The following SLC6A6 variants were observed in gnomAD, a reference collection of about 807,000 sequenced individuals.
The protein encoded by SLC6A6 is sodium- and chloride-dependent taurine transporter.
SLC6A6 carries 16 observed loss-of-function variants against 68.8 expected under a neutral mutation model. That is an observed-to-expected ratio of 0.23 (90% CI 0.16 to 0.35). The LOEUF (loss-of-function observed/expected upper bound fraction) is 0.35. SLC6A6 is among the 10% of genes least tolerant of loss of function. SLC6A6 has a pLI of 1.00. For synonymous variants in SLC6A6, 312 were observed against 315.4 expected, an observed-to-expected ratio of 0.99 and a Z score of 0.12; for missense variants, 474 against 802.8, an observed-to-expected ratio of 0.59 and a Z score of 4.95.
At chr3:14,420,815 C>T (rs1358668134) in intron 2 of SLC6A6, among the ~76,000 whole-genome samples, 1 of 152,182 alleles carries the variant, frequency 6.6e-6, no homozygotes, top group Non-Finnish European at 1.5e-5. Flanking sequence ...AGACAAATAA[C>T]TTAAAGCTGA....
At chr3:14,479,284 T>A in intron 13 of SLC6A6, 99 bp downstream of exon 13, 1 of 815,154 alleles carries the variant, frequency 1.2e-6, no homozygotes, top group Middle Eastern at 2.2e-4. Context: ...CTGTTCAGCG[T>A]GGGCTTATAA....
At chr3:14,403,100 GT>G in intron 1 of SLC6A6, among the ~76,000 whole-genome samples, 1 of 151,680 alleles carries the variant, frequency 6.6e-6, no homozygotes. Context: ...GTGTGTGTGT[GT>G]GTGTGTGTGT....
intron 1 of SLC6A6, among the ~76,000 whole-genome samples, chr3:14,409,735 C>T (rs1186419003): frequency 3.3e-5 from 5 of 152,190 alleles, no homozygotes; most frequent in South Asian, 2.1e-4. Flanking sequence ...CTGGGAACGC[C>T]GCCTCAGGTC....
At chr3:14,442,520 G>A (rs1700014220) in intron 2 of SLC6A6, among the ~76,000 whole-genome samples, 1 of 152,190 alleles carries the variant, frequency 6.6e-6, no homozygotes, top group Admixed American at 6.6e-5. Flanking sequence ...GGATGCTCTT[G>A]GTAACCCTTG....
Position 14,485,136 on chromosome 3 carries a change from G to GT in SLC6A6, c.*130dup. The GT allele has an allele frequency of 1.4e-6, 1 of 693,404 alleles. No individual in the cohort carries two copies. Among genetic ancestry groups the GT allele is most frequent in the Admixed American group, 3.0e-5 (1 of 33,080 alleles). 43.0% of individuals were successfully genotyped at this position (693,404 alleles called of 1,614,324 possible). On this transcript the variant is annotated 3_prime_UTR_variant, in exon 15 of 15. Coordinates refer to ENST00000622186, the MANE Select transcript of SLC6A6 (RefSeq NM_003043.6). ...TTTTTTTGTAATTGTCACAGAAAAT[G>GT]TAATTGTGGGTATGTGTGCGTGCGT...
intron 3 of SLC6A6, chr3:14,444,282 T>G (rs2124945017): frequency 5.2e-6 from 1 of 192,032 alleles, no homozygotes; most frequent in South Asian, 9.9e-5. Flanking sequence ...CCAAATGTAC[T>G]CCAGAAAGCA....
Position 14,416,399 on chromosome 3 carries a change from C to G in SLC6A6, c.-53-13C>G. The G allele has an allele frequency of 2.5e-6, 1 of 398,750 alleles. No individual in the cohort carries two copies. Among genetic ancestry groups the G allele is most frequent in the Non-Finnish European group, 4.4e-6 (1 of 226,160 alleles). 24.7% of individuals were successfully genotyped at this position (398,750 alleles called of 1,614,324 possible). ...TCTCTTTCTTCCGTCTTCGCTTCCT[C>G]TCTTTGCAATAGATCCAGAACCAGA... is the stretch of plus-strand genomic sequence containing the variant. On this transcript the variant is annotated splice_polypyrimidine_tract_variant and intron_variant, in intron 1 of 14. Coordinates refer to ENST00000622186, the MANE Select transcript of SLC6A6 (RefSeq NM_003043.6).
chr3:14,488,495 C>G lies in SLC6A6; in HGVS notation c.*3488C>G, dbSNP rs1305068011. 1 of 152,272 alleles carries G rather than the reference C, an allele frequency of 6.6e-6. No homozygotes were observed. The highest frequency in any genetic ancestry group is 1.9e-4 in the East Asian group (1 of 5,182). The allele number at this position is 152,272 out of a possible 1,614,324, so 9.4% of individuals were successfully genotyped here. On this transcript the variant is annotated 3_prime_UTR_variant, in exon 15 of 15. Coordinates refer to ENST00000622186, the MANE Select transcript of SLC6A6 (RefSeq NM_003043.6). ...GTAGCCAGTCTAAAGGCAGAGGCAC[C>G]TAACTGCTCCCCGCAGCCCACCCCA...
rs1303130560 is a variant in SLC6A6 at position 14,472,044 on chromosome 3, C to G, written c.1097-161C>G. On this transcript the variant is annotated intron_variant, in intron 9 of 14. Coordinates refer to ENST00000622186, the MANE Select transcript of SLC6A6 (RefSeq NM_003043.6). The surrounding 1 kb of genome is among the most constrained non-coding windows in gnomAD (Gnocchi z 4.5). ...CTCCTGAGCCCCAGCGTGTCCCACCCAAAGGCGAGACAGGCCTGGTCTCTT... is the reference window on the plus strand; with the variant it reads ...CTCCTGAGCCCCAGCGTGTCCCACCGAAAGGCGAGACAGGCCTGGTCTCTT... Among the ~76,000 whole-genome samples, 1 of 152,162 alleles carries G rather than the reference C, an allele frequency of 6.6e-6. No homozygotes were observed. Among genetic ancestry groups the G allele is most frequent in the Admixed American group, 6.5e-5 (1 of 15,288 alleles).
chr3:14,439,894 G>A (rs976969624), intron 2 of SLC6A6, among the ~76,000 whole-genome samples: 2 of 152,172 alleles, frequency 1.3e-5, no homozygotes, highest in Non-Finnish European at 2.9e-5. Context: ...AAGCTCCTAA[G>A]GGTTTGGATA....
In SLC6A6 at chr3:14,460,070, C is replaced by T. The variant is rs576129374; in HGVS notation, c.732+1988C>T. 2.0e-5 allele frequency among the ~76,000 whole-genome samples: 3 copies of T among 152,074 alleles called. No individual in the cohort carries two copies. The South Asian group carries it at 6.2e-4, about 32-fold the overall frequency. Reference sequence around the variant, plus strand: ...TGCCACCATGCCCTTCTTCACTCTGCCTCAGTTTCCCCACACAGAAGTGAG... The same window carrying T: ...TGCCACCATGCCCTTCTTCACTCTGTCTCAGTTTCCCCACACAGAAGTGAG... On this transcript the variant is annotated intron_variant, in intron 6 of 14. Coordinates refer to ENST00000622186, the MANE Select transcript of SLC6A6 (RefSeq NM_003043.6).
chr3:14,404,720 G>T (rs879476788), intron 1 of SLC6A6, among the ~76,000 whole-genome samples: 1 of 152,268 alleles, frequency 6.6e-6, no homozygotes, highest in Non-Finnish European at 1.5e-5. Flanking sequence ...GGGGATTGAG[G>T]GAGATGAGGC....
chr3:14,456,507 A>G (rs969549665), intron 5 of SLC6A6, among the ~76,000 whole-genome samples: 5 of 152,256 alleles, frequency 3.3e-5, no homozygotes, highest in East Asian at 1.9e-4. Flanking sequence ...TTGCTTGAAT[A>G]CCAGTTGAGA....
At chr3:14,479,338 C>T (rs1407011648) in intron 13 of SLC6A6, among the ~76,000 whole-genome samples, 153 bp downstream of exon 13, 1 of 152,202 alleles carries the variant, frequency 6.6e-6, no homozygotes, top group Non-Finnish European at 1.5e-5. Context: ...AGGAAGGCTG[C>T]TCCAGGGAGT....
rs897530174 is a variant in SLC6A6 at position 14,402,965 on chromosome 3, G to T, written c.-54+118G>T. 2.6e-6 allele frequency: 1 copy of T among 381,622 alleles called. No individual in the cohort carries two copies. Among genetic ancestry groups the T allele is most frequent in the Non-Finnish European group, 4.6e-6 (1 of 215,460 alleles). The allele number at this position is 381,622 out of a possible 1,614,324, so 23.6% of individuals were successfully genotyped here. A position where few individuals can be genotyped will look rare whatever the true frequency, so the allele number is the denominator to read the frequency against. Reference sequence around the variant, plus strand: ...TCCCCTCCGCGTGCGCCCATCCGGCGCCCCTTTCACCACCGCGGAAGGGAC... The same window carrying T: ...TCCCCTCCGCGTGCGCCCATCCGGCTCCCCTTTCACCACCGCGGAAGGGAC... On this transcript the variant is annotated intron_variant, in intron 1 of 14. Coordinates refer to ENST00000622186, the MANE Select transcript of SLC6A6 (RefSeq NM_003043.6). The surrounding 1 kb of genome is among the most constrained non-coding windows in gnomAD (Gnocchi z 4.8).
chr3:14,420,309 T>A (rs1699457992), intron 2 of SLC6A6, among the ~76,000 whole-genome samples: 1 of 152,186 alleles, frequency 6.6e-6, no homozygotes, highest in Non-Finnish European at 1.5e-5. Flanking sequence ...GGTGCGCACC[T>A]GTAGTTCCAG....
chr3:14,446,177 G>A lies in SLC6A6; in HGVS notation c.364+326G>A, dbSNP rs569469601. 2.0e-5 allele frequency among the ~76,000 whole-genome samples: 3 copies of A among 152,306 alleles called. No homozygotes were observed. In the South Asian group the frequency reaches 6.2e-4, roughly 32 times the overall value. On this transcript the variant is annotated intron_variant, in intron 4 of 14. Coordinates refer to ENST00000622186, the MANE Select transcript of SLC6A6 (RefSeq NM_003043.6). ...CATGGAATCAGCCTAGGTGCCCATC[G>A]GTGGTGGACTGGATAAAGAAAATGT...
chr3:14,430,691 A>T (rs1280352248), intron 2 of SLC6A6, among the ~76,000 whole-genome samples: 2 of 152,224 alleles, frequency 1.3e-5, no homozygotes, highest in Non-Finnish European at 2.9e-5. Context: ...TATGAGCCTC[A>T]TCCTCCCAAG....
At position 14,478,000 on chromosome 3, in the gene SLC6A6, C is replaced by A. The variant is rs2241782; in HGVS notation, c.1348-466C>A. Among the ~76,000 whole-genome samples, 1 of 151,870 alleles carries A rather than the reference C, an allele frequency of 6.6e-6. No homozygotes were observed. Among genetic ancestry groups the A allele is most frequent in the Non-Finnish European group, 1.5e-5 (1 of 67,812 alleles). ...GGCACGCTCTCTCCTGCATGCCCCC[C>A]CCCACCACCTCCCCTGTTCCCCAGG... On this transcript the variant is annotated intron_variant, in intron 11 of 14. Transcript: ENST00000622186. This position sits in a 1 kb window ranked among gnomAD's most constrained non-coding sequence, Gnocchi z 4.2.
Sources: allele counts gnomAD v4.1 joint callset (sites outside exome capture counted in the v4.1 genomes callset), GRCh38; gene constraint gnomAD v4.1.1; non-coding constraint Gnocchi (gnomAD v3.1); transcripts MANE v1.5; gene names NCBI Gene and HGNC (gene_info 2026-07-23, HGNC 2026-07-21).